Variants in LINGO1 observed in about 807,000 individuals in gnomAD.
The protein encoded by LINGO1 is leucine-rich repeat and immunoglobulin-like domain-containing nogo receptor-interacting protein 1.
In LINGO1, 11 loss-of-function variants were observed where a neutral mutation model predicts 37.3. That is an observed-to-expected ratio of 0.29 (90% confidence interval 0.19 to 0.49). LINGO1 has a LOEUF of 0.49. Among genes scored for constraint, LINGO1 ranks in the 20% least tolerant of loss-of-function variants. The pLI is 0.99. For synonymous variants in LINGO1, 387 were observed against 403.0 expected, an observed-to-expected ratio of 0.96 and a Z score of 0.48; for missense variants, 585 against 878.2, an observed-to-expected ratio of 0.67 and a Z score of 4.22.
chr15:77,791,829 T>C (rs909491978), upstream of LINGO1, among the ~76,000 whole-genome samples: 1 of 152,034 alleles, frequency 6.6e-6, no homozygotes, highest in Non-Finnish European at 1.5e-5. Context: ...TTAGGCCACT[T>C]GGGAGGAGCA....
At chr15:77,797,950 T>C (rs1308972859) in intron 1 of LINGO1, among the ~76,000 whole-genome samples, 2 of 152,212 alleles carry the variant, frequency 1.3e-5, no homozygotes, top group Admixed American at 1.3e-4. Flanking sequence ...TATTATGGGC[T>C]GCAGACTTCT....
chr15:77,716,321 C>A (rs1186085234), intron 2 of LINGO1, among the ~76,000 whole-genome samples: 1 of 140,170 alleles, frequency 7.1e-6, no homozygotes, highest in Non-Finnish European at 1.5e-5. Flanking sequence ...CACTCTGTCA[C>A]CCAGGCTGGA....
intron 3 of LINGO1, among the ~76,000 whole-genome samples, chr15:77,650,559 A>G (rs570199329): frequency 6.6e-6 from 1 of 152,246 alleles, no homozygotes; most frequent in South Asian, 2.1e-4. Context: ...GGCTGGGTTC[A>G]ATCTAGGCAG....
At chr15:77,777,342 T>C (rs1274433636) in intron 1 of LINGO1, among the ~76,000 whole-genome samples, 2 of 147,658 alleles carry the variant, frequency 1.4e-5, no homozygotes, top group Non-Finnish European at 3.0e-5. Context: ...GCCCCTCCCA[T>C]ACACACACAC....
At chr15:77,808,980 G>A (rs1302424255) in intron 1 of LINGO1, among the ~76,000 whole-genome samples, 2 of 152,186 alleles carry the variant, frequency 1.3e-5, no homozygotes, top group African/African-American at 4.8e-5. Flanking sequence ...TGGAAGGCAC[G>A]TGCCGGCTAG....
intron 1 of LINGO1, among the ~76,000 whole-genome samples, chr15:77,750,472 TG>T (rs1381128343): frequency 3.3e-5 from 5 of 152,182 alleles, no homozygotes; most frequent in Non-Finnish European, 1.5e-5. Context: ...ATGGAGTAGG[TG>T]TCAGGGTCCC....
chr15:77,661,125 T>C (rs2074983456), intron 3 of LINGO1, among the ~76,000 whole-genome samples: 4 of 152,118 alleles, frequency 2.6e-5, no homozygotes, highest in Middle Eastern at 3.4e-3. Flanking sequence ...CAGGCTGGGA[T>C]GGGTTAGCTT....
intron 1 of LINGO1, among the ~76,000 whole-genome samples, chr15:77,770,728 T>G (rs577530206): frequency 6.6e-6 from 1 of 151,306 alleles, no homozygotes; most frequent in East Asian, 2.0e-4. Context: ...ACACAATGCA[T>G]CCTCCTCACT....
At chr15:77,757,632 A>C (rs1338596938) in intron 1 of LINGO1, among the ~76,000 whole-genome samples, 1 of 152,208 alleles carries the variant, frequency 6.6e-6, no homozygotes, top group Non-Finnish European at 1.5e-5. Context: ...ACCGTGAGCC[A>C]GAAAGATGTC....
intron 1 of LINGO1, among the ~76,000 whole-genome samples, chr15:77,782,263 G>A (rs1007484136): frequency 2.0e-5 from 3 of 151,634 alleles, no homozygotes; most frequent in Non-Finnish European, 3.0e-5. Flanking sequence ...GCATACACAT[G>A]TGCGTCAGCA....
In LINGO1 at chr15:77,615,265, C is replaced by A; in HGVS notation, c.642G>T (p.Leu214=). ...GGAGCCTCAGGACGATGAGGCCGTG[C>A]AGGTGGGACAGCGCCTCGGTGGGGA... ...TSIPTEALSH[L]HGLIVLRLRH... Residue 214 remains leucine (L), a synonymous_variant, in exon 2 of 2, where the codon CTG becomes CTT. Transcript: ENST00000355300. 1.9e-6 allele frequency: 3 copies of A among 1,613,796 alleles called. No homozygotes were observed. Among genetic ancestry groups the A allele is most frequent in the South Asian group, 2.2e-5 (2 of 91,076 alleles).
chr15:77,774,767 T>A (rs550552982), intron 1 of LINGO1, among the ~76,000 whole-genome samples: 8 of 152,130 alleles, frequency 5.3e-5, no homozygotes, highest in Non-Finnish European at 1.0e-4. Flanking sequence ...TGACCCTGTA[T>A]TGGGTCCTGA....
At chr15:77,715,956 A>T (rs1006685300) in intron 2 of LINGO1, among the ~76,000 whole-genome samples, 1 of 152,132 alleles carries the variant, frequency 6.6e-6, no homozygotes, top group African/African-American at 2.4e-5. Flanking sequence ...CAGCTGAGGG[A>T]GGGAAACATA....
chr15:77,803,432 G>A (rs909164003), intron 1 of LINGO1, among the ~76,000 whole-genome samples: 34 of 151,366 alleles, frequency 2.2e-4, no homozygotes, highest in Admixed American at 2.2e-3. Context: ...GTGACAGAGC[G>A]AGACCCCATC....
intron 1 of LINGO1, among the ~76,000 whole-genome samples, chr15:77,801,932 A>C (rs2076922493): frequency 6.6e-6 from 1 of 152,222 alleles, no homozygotes; most frequent in African/African-American, 2.4e-5. Context: ...GTATCCAGAA[A>C]ACCCTGAGAT....
intron 1 of LINGO1, among the ~76,000 whole-genome samples, chr15:77,773,617 T>C (rs1186789552): frequency 6.6e-6 from 1 of 151,996 alleles, no homozygotes; most frequent in African/African-American, 2.4e-5. Flanking sequence ...CCTGGGCACC[T>C]CTCGGCACAA....
chr15:77,805,581 G>A (rs1006609750), intron 1 of LINGO1, among the ~76,000 whole-genome samples: 13 of 152,296 alleles, frequency 8.5e-5, no homozygotes, highest in East Asian at 5.8e-4. Context: ...AGCTGTGGCT[G>A]TGGAGCAAGG....
intron 3 of LINGO1, among the ~76,000 whole-genome samples, chr15:77,664,388 A>C (rs1477275204): frequency 6.6e-6 from 1 of 151,644 alleles, no homozygotes. Flanking sequence ...CCTGTCTGTT[A>C]TGGGAAGGCC....
chr15:77,766,314 A>AC (rs58187210), intron 1 of LINGO1, among the ~76,000 whole-genome samples: 3 of 150,858 alleles, frequency 2.0e-5, no homozygotes, highest in East Asian at 1.9e-4. Context: ...AAAAAAAAAA[A>AC]AAACACACAA....
Sources: allele counts gnomAD v4.1 joint callset (sites outside exome capture counted in the v4.1 genomes callset), GRCh38; gene constraint gnomAD v4.1.1; transcripts MANE v1.5; gene names NCBI Gene and HGNC (gene_info 2026-07-23, HGNC 2026-07-21).